The following NCAPD3 variants were observed in gnomAD, a reference collection of about 807,000 sequenced individuals.
The protein encoded by NCAPD3 is condensin-2 complex subunit D3.
Under a neutral mutation model 182.9 loss-of-function variants are expected in NCAPD3, and 105 were observed. The ratio of observed to expected loss-of-function variants is 0.57; its 90% CI spans 0.49 to 0.68. The LOEUF (loss-of-function observed/expected upper bound fraction) is 0.68, where lower values mean the gene tolerates loss of function less well. Ranked by LOEUF, NCAPD3 falls within the 30% of genes least tolerant of loss-of-function variation. The pLI is 0.00. For synonymous variants in NCAPD3, 815 were observed against 679.9 expected (o/e 1.20, Z -3.09); for missense variants, 1,944 against 1,837.0 (o/e 1.06, Z -1.07).
chr11:134,186,898 G>T (rs1944418606), intron 16 of NCAPD3, among the ~76,000 whole-genome samples: 3 of 152,156 alleles, frequency 2.0e-5, no homozygotes. Flanking sequence ...CATGATTTAT[G>T]TCTGATTTAT....
At chr11:134,183,214 T>A (rs1321104315) in intron 19 of NCAPD3, 5 of 454,812 alleles carry the variant, frequency 1.1e-5, no homozygotes, top group Non-Finnish European at 2.2e-5. Flanking sequence ...GCTCTGCCGG[T>A]AGTAAGTTGT....
Position 134,213,292 on chromosome 11 carries a change from C to A in NCAPD3, c.383-2838G>T, listed in dbSNP as rs1001688733. On this transcript the variant is annotated intron_variant, in intron 3 of 34. Coordinates refer to ENST00000534548, the MANE Select transcript of NCAPD3 (RefSeq NM_015261.3). ...AGTGAGCTATGATTGCCACTGCACT[C>A]CAGCCTGGGTGACAGACTGAGACCC... Among the ~76,000 whole-genome samples, 32 of 151,948 alleles carry A rather than the reference C, an allele frequency of 2.1e-4. 1 individual carries two copies. The highest frequency in any genetic ancestry group is 6.3e-3 in the Middle Eastern group (2 of 316).
In NCAPD3 at chr11:134,194,726, A is replaced by G; in HGVS notation, c.1628T>C (p.Met543Thr). Residue 543 changes from methionine (M) to threonine (T), a missense_variant, in exon 14 of 35, where the codon ATG (methionine) becomes ACG (threonine). Physicochemically the swap from Met to Thr is moderately conservative, Grantham distance 81 (BLOSUM62 -1). Transcript: ENST00000534548. Reference protein sequence around the residue: ...ETVGSGERCVMAMLRRRIRDE... With the variant: ...ETVGSGERCVTAMLRRRIRDE... ...CCTGATCCTCCTTCTCAGCATTGCC[A>G]TGACACATCTTTCTGTAGAGGGAAT... is the stretch of plus-strand genomic sequence containing the variant. The G allele has an allele frequency of 1.2e-6, 2 of 1,606,058 alleles. No homozygotes were observed. Among genetic ancestry groups the G allele is most frequent in the Non-Finnish European group, 1.7e-6 (2 of 1,175,914 alleles).
intron 4 of NCAPD3, 118 bp from the exon 5 acceptor site, chr11:134,209,595 G>T: frequency 1.1e-6 from 1 of 944,080 alleles, no homozygotes; most frequent in Non-Finnish European, 1.6e-6. Flanking sequence ...ATGTTGAGGT[G>T]ATATGACTTT....
At chr11:134,213,353 A>ACT in intron 3 of NCAPD3, among the ~76,000 whole-genome samples, 1 of 150,764 alleles carries the variant, frequency 6.6e-6, no homozygotes. Flanking sequence ...ACAGAGTCTC[A>ACT]CTGTCACCCA....
intron 3 of NCAPD3, among the ~76,000 whole-genome samples, chr11:134,215,405 G>C (rs1937978078): frequency 6.6e-6 from 1 of 152,140 alleles, no homozygotes; most frequent in Non-Finnish European, 1.5e-5. Context: ...CAGATGACAT[G>C]ATCTTACACA....
intron 32 of NCAPD3, chr11:134,153,833 A>G (rs94499): frequency 0.24 from 44,027 of 186,584 alleles, 5,499 homozygotes; most frequent in East Asian, 0.31. Context: ...CTCCACATGG[A>G]ATCAGCAGCC....
intron 19 of NCAPD3, chr11:134,183,096 A>G (rs1313820657): frequency 4.4e-6 from 2 of 456,314 alleles, no homozygotes; most frequent in South Asian, 3.1e-5. Flanking sequence ...AGCAAGCGGC[A>G]GATGACTTCC....
intron 3 of NCAPD3, among the ~76,000 whole-genome samples, chr11:134,211,853 C>T (rs1338123212): frequency 1.3e-5 from 2 of 152,094 alleles, no homozygotes; most frequent in African/African-American, 4.8e-5. Context: ...AATAAAGACT[C>T]AGTGACCCAT....
intron 27 of NCAPD3, among the ~76,000 whole-genome samples, chr11:134,167,075 C>T (rs1176605981): frequency 1.3e-5 from 1 of 78,250 alleles, no homozygotes; most frequent in Non-Finnish European, 2.3e-5. Flanking sequence ...CTTGGGGGAG[C>T]TGCACACTCA....
chr11:134,178,557 T>A, intron 22 of NCAPD3, 77 bp downstream of exon 22: 1 of 1,156,136 alleles, frequency 8.6e-7, no homozygotes. Flanking sequence ...CCTGACACAG[T>A]CCCATGGCTG....
intron 8 of NCAPD3, 109 bp from the exon 9 acceptor site, chr11:134,205,080 C>T (rs535897148): frequency 3.6e-5 from 28 of 782,322 alleles, no homozygotes; most frequent in African/African-American, 5.2e-5. Context: ...CTCTACCTCA[C>T]GCTATAAGAG....
intron 13 of NCAPD3, among the ~76,000 whole-genome samples, chr11:134,199,835 G>C (rs555950024): frequency 6.6e-6 from 1 of 152,282 alleles, no homozygotes; most frequent in South Asian, 2.1e-4. Flanking sequence ...TCCTACGCTA[G>C]AACGCAACGG....
intron 3 of NCAPD3, among the ~76,000 whole-genome samples, chr11:134,211,400 C>A (rs1937826993): frequency 6.6e-6 from 1 of 152,140 alleles, no homozygotes. Context: ...GTAATTCCAA[C>A]ACTTTGGGAG....
chr11:134,152,246 T>A lies in NCAPD3; in HGVS notation c.*698A>T, dbSNP rs1943262529. Among the ~76,000 whole-genome samples the A allele has an allele frequency of 6.6e-6, 1 of 152,260 alleles. No individual in the cohort carries two copies. The highest frequency in any genetic ancestry group is 6.5e-5 in the Admixed American group (1 of 15,288). ...GCCATTTTTTCCCAAGAAGGGATGCTGTTCATGTCTGTTAGGGAAAGCACA... is the reference window on the plus strand; with the variant it reads ...GCCATTTTTTCCCAAGAAGGGATGCAGTTCATGTCTGTTAGGGAAAGCACA... On this transcript the variant is annotated 3_prime_UTR_variant, in exon 35 of 35. Transcript: ENST00000534548.
At chr11:134,170,948 G>A (rs1228669676) in intron 24 of NCAPD3, among the ~76,000 whole-genome samples, 1 of 152,192 alleles carries the variant, frequency 6.6e-6, no homozygotes, top group African/African-American at 2.4e-5. Flanking sequence ...CACAAATCCT[G>A]CAAGCTTCCT....
chr11:134,200,001 G>C (rs1396863231), intron 13 of NCAPD3, among the ~76,000 whole-genome samples: 1 of 152,118 alleles, frequency 6.6e-6, no homozygotes, highest in Non-Finnish European at 1.5e-5. Flanking sequence ...ACAGGTGAAG[G>C]AACAGGCTGA....
At chr11:134,210,937 A>G (rs896033397) in intron 3 of NCAPD3, among the ~76,000 whole-genome samples, 3 of 152,214 alleles carry the variant, frequency 2.0e-5, no homozygotes, top group African/African-American at 7.2e-5. Context: ...GAATTTATAG[A>G]ACAGAAGAAC....
chr11:134,157,513 C>A (rs117820051), intron 31 of NCAPD3, among the ~76,000 whole-genome samples: 70 of 152,280 alleles, frequency 4.6e-4, no homozygotes, highest in Middle Eastern at 3.4e-3. Context: ...CAGTTATTTC[C>A]ACAGCCACAA....
Sources: gnomAD v4.1 joint callset for allele counts (sites outside exome capture counted in the v4.1 genomes callset) on GRCh38, gnomAD v4.1.1 for gene constraint, MANE v1.5 for transcripts, NCBI Gene and HGNC (gene_info 2026-07-23, HGNC 2026-07-21) for gene names.